Variants in TRIM26 observed in about 807,000 individuals in gnomAD.
TRIM26 encodes tripartite motif-containing protein 26.
A neutral mutation model predicts 45.5 loss-of-function variants in TRIM26; 16 were observed. The observed-to-expected ratio is 0.35, with a 90% CI of 0.24 to 0.53. The LOEUF is 0.53. Ranked by LOEUF, TRIM26 falls within the 20% of genes least tolerant of loss-of-function variation. TRIM26 has a pLI of 0.92. For synonymous variants in TRIM26, 273 were observed against 290.4 expected (o/e 0.94, Z 0.61); for missense variants, 442 against 691.1 (o/e 0.64, Z 4.04).
rs566606086 is a variant in TRIM26, at chr6:30,211,037, C to T, written c.-376+2268G>A. 1.4e-3 allele frequency among the ~76,000 whole-genome samples: 212 copies of T among 152,302 alleles called. 3 individuals are homozygous for T. Among genetic ancestry groups the T allele is most frequent in the Middle Eastern group, 0.01 (3 of 294 alleles). ...ATGTGAACCCAAAGGTCATGCCTCA[C>T]TGACCTTTTTATCTCCAATATCTGG... is the stretch of plus-strand genomic sequence containing the variant. On this transcript the variant is annotated intron_variant, in intron 1 of 9. Transcript: ENST00000454678.
rs1245504272 is a variant in TRIM26, at chr6:30,186,326, T to C, written c.1170A>G (p.Glu390=). The C allele has an allele frequency of 1.2e-6, 2 of 1,611,384 alleles. No individual in the cohort carries two copies. Among genetic ancestry groups the C allele is most frequent in the African/African-American group, 2.7e-5 (2 of 74,872 alleles). The part of the protein sequence containing the change: ...SEDEEEGDEE[E]EGEEEEEEEE... Reference sequence around the variant, plus strand: ...CTTCCTCCTCCTCCTCTTCTCCCTCTTCCTCCTCATCCCCCTCTTCTTCAT... The same window carrying C: ...CTTCCTCCTCCTCCTCTTCTCCCTCCTCCTCCTCATCCCCCTCTTCTTCAT... Residue 390 remains glutamate, a synonymous_variant, in exon 10 of 10, where the codon GAA becomes GAG. Coordinates refer to ENST00000454678, the MANE Select transcript of TRIM26 (RefSeq NM_003449.5). The surrounding 1 kb of genome is among the most constrained non-coding windows in gnomAD (Gnocchi z 7.4).
chr6:30,185,797 C>A lies in TRIM26; in HGVS notation c.*79G>T. 6.7e-7 allele frequency: 1 copy of A among 1,497,800 alleles called. No homozygotes were observed. The highest frequency in any genetic ancestry group is 9.0e-7 in the Non-Finnish European group (1 of 1,112,474). 92.8% of individuals were successfully genotyped at this position (1,497,800 alleles called of 1,614,324 possible). On this transcript the variant is annotated 3_prime_UTR_variant, in exon 10 of 10. Coordinates refer to ENST00000454678, the MANE Select transcript of TRIM26 (RefSeq NM_003449.5). The surrounding 1 kb of genome is among the most constrained non-coding windows in gnomAD (Gnocchi z 5.7). Reference sequence around the variant, plus strand: ...TGCTCCAGGTGCTTAGGCCAGGCATCCCGTCCCCCCATTGAGAGTCCTGGA... The same window carrying A: ...TGCTCCAGGTGCTTAGGCCAGGCATACCGTCCCCCCATTGAGAGTCCTGGA...
intron 1 of TRIM26, among the ~76,000 whole-genome samples, chr6:30,208,904 A>ATCTGTGTG (rs71550189): frequency 0.011 from 1,550 of 140,808 alleles, 32 homozygotes; most frequent in East Asian, 0.018. Context: ...GATATAGAAT[A>ATCTGTGTG]TGTGTGTGTG....
At position 30,193,162 on chromosome 6, in the gene TRIM26, G is replaced by GTATATATATA. The variant is rs1554201636; in HGVS notation, c.766-3137_766-3128dup. Among the ~76,000 whole-genome samples, 3 of 32,004 alleles carry GTATATATATA rather than the reference G, an allele frequency of 9.4e-5. 1 individual carries two copies. Among genetic ancestry groups the GTATATATATA allele is most frequent in the Non-Finnish European group, 1.4e-4 (3 of 20,744 alleles). 21.0% of individuals were successfully genotyped at this position (32,004 alleles called of 152,430 possible). ...TGTGTGTGTGTGTGTGTGTGTGTGT[G>GTATATATATA]TATATATATATATATATATATTTTT... is the stretch of plus-strand genomic sequence containing the variant. On this transcript the variant is annotated intron_variant, in intron 6 of 9. Transcript: ENST00000454678.
intron 9 of TRIM26, chr6:30,188,455 T>C (rs1775452934): frequency 1.1e-5 from 3 of 270,678 alleles, no homozygotes; most frequent in Non-Finnish European, 2.3e-5. Flanking sequence ...ATAATTAGAA[T>C]AACCTGATAG....
chr6:30,193,757 T>C (rs1289873904), intron 6 of TRIM26, among the ~76,000 whole-genome samples: 4 of 152,212 alleles, frequency 2.6e-5, no homozygotes, highest in Admixed American at 2.0e-4. Flanking sequence ...CATCAGTGTT[T>C]TGTAGTTTTC....
Position 30,190,769 on chromosome 6 carries a change from C to T in TRIM26, c.766-734G>A, listed in dbSNP as rs538859498. 4.6e-5 allele frequency among the ~76,000 whole-genome samples: 7 copies of T among 152,278 alleles called. No homozygotes were observed. The highest frequency in any genetic ancestry group is 1.7e-4 in the African/African-American group (7 of 41,554). On this transcript the variant is annotated intron_variant, in intron 6 of 9. Coordinates refer to ENST00000454678, the MANE Select transcript of TRIM26 (RefSeq NM_003449.5). This position sits in a 1 kb window ranked among gnomAD's most constrained non-coding sequence, Gnocchi z 4.3. Reference sequence around the variant, plus strand: ...GTGGTGGTGAGCCCAACTTTGACCACGCAGCAGAGGACAACATCCCTAGAA... The same window carrying T: ...GTGGTGGTGAGCCCAACTTTGACCATGCAGCAGAGGACAACATCCCTAGAA...
At position 30,186,561 on chromosome 6, in the gene TRIM26, G is replaced by C; in HGVS notation, c.938-3C>G. 6.7e-7 allele frequency: 1 copy of C among 1,495,764 alleles called. No homozygotes were observed. Among genetic ancestry groups the C allele is most frequent in the Non-Finnish European group, 8.9e-7 (1 of 1,128,586 alleles). The allele number at this position is 1,495,764 out of a possible 1,614,324, so 92.7% of individuals were successfully genotyped here. A position where few individuals can be genotyped will look rare whatever the true frequency, so the allele number is the denominator to read the frequency against. ...CTGTGGGTCCAGGGTGACGCTCACT[G>C]TGGGGACAAGGGAAAAAAAAAAAAA... On this transcript the variant is annotated splice_polypyrimidine_tract_variant and splice_region_variant and intron_variant, in intron 9 of 9. Coordinates refer to ENST00000454678, the MANE Select transcript of TRIM26 (RefSeq NM_003449.5). This position sits in a 1 kb window ranked among gnomAD's most constrained non-coding sequence, Gnocchi z 7.4.
At chr6:30,208,513 TCC>T (rs1366263417) in intron 1 of TRIM26, among the ~76,000 whole-genome samples, 1 of 135,002 alleles carries the variant, frequency 7.4e-6, no homozygotes, top group Non-Finnish European at 1.6e-5. Context: ...GGAATTTTTT[TCC>T]TTTTTTTTTT....
chr6:30,186,007 C>T lies in TRIM26; in HGVS notation c.1489G>A (p.Gly497Arg). 1 of 1,611,444 alleles carries T rather than the reference C, an allele frequency of 6.2e-7. No homozygotes were observed. Among genetic ancestry groups the T allele is most frequent in the Non-Finnish European group, 8.5e-7 (1 of 1,179,326 alleles). The change falls in exon 10 of 10, where the codon GGG becomes AGG. Residue 497 changes from glycine (G) to arginine (R), a missense_variant. Gly to Arg is a moderately radical substitution (Grantham distance 125, BLOSUM62 -2). Coordinates refer to ENST00000454678, the MANE Select transcript of TRIM26 (RefSeq NM_003449.5). The surrounding 1 kb of genome is among the most constrained non-coding windows in gnomAD (Gnocchi z 7.4). ...GCGTTGGTGAAAGTCACGGTGCCCCCTTCATAATCCAGGGCGATGCCCACT... is the reference window on the plus strand; with the variant it reads ...GCGTTGGTGAAAGTCACGGTGCCCCTTTCATAATCCAGGGCGATGCCCACT... ...RRVGIALDYE[G>R]GTVTFTNAES...
At chr6:30,187,249 C>A in intron 9 of TRIM26, 1 of 301,406 alleles carries the variant, frequency 3.3e-6, no homozygotes, top group South Asian at 3.4e-5. Context: ...CCATATCAGT[C>A]CTTCCTTTTC....
chr6:30,206,254 GCCAGGCCAAAGGCCTGGATC>G (rs1344757569), intron 1 of TRIM26, among the ~76,000 whole-genome samples: 2 of 152,244 alleles, frequency 1.3e-5, no homozygotes, highest in Non-Finnish European at 2.9e-5. Flanking sequence ...ACCCCTACTG[GCCAGGCCAAAGGCCTGGATC>G]CCAGGCTGTC....
rs1231651925 is a variant in TRIM26, at chr6:30,184,610, G to A, written c.*1266C>T. 1 of 152,676 alleles carries A rather than the reference G, an allele frequency of 6.5e-6. No individual in the cohort carries two copies. Among genetic ancestry groups the A allele is most frequent in the Non-Finnish European group, 1.5e-5 (1 of 68,058 alleles). The allele number at this position is 152,676 out of a possible 1,614,324, so 9.5% of individuals were successfully genotyped here. On this transcript the variant is annotated 3_prime_UTR_variant, in exon 10 of 10. Transcript: ENST00000454678. ...TGTACATGTGACTCAGGCAGCATGT[G>A]ACACACACAAAGTGGGCAGCTCTGA...
rs561599239 is a variant in TRIM26 at position 30,190,957 on chromosome 6, G to C, written c.766-922C>G. ...ACAGCAGTGAGCCAAAACCCTAAGT[G>C]ACCACTCACTTGGCTGCCCCACAGA... On this transcript the variant is annotated intron_variant, in intron 6 of 9. Transcript: ENST00000454678. The surrounding 1 kb of genome is among the most constrained non-coding windows in gnomAD (Gnocchi z 4.3). 6.6e-6 allele frequency among the ~76,000 whole-genome samples: 1 copy of C among 152,286 alleles called. No individual in the cohort carries two copies. The highest frequency in any genetic ancestry group is 2.4e-5 in the African/African-American group (1 of 41,568).
chr6:30,193,184 T>TATATATA (rs1377622743), intron 6 of TRIM26, among the ~76,000 whole-genome samples: 3 of 34,854 alleles, frequency 8.6e-5, no homozygotes, highest in South Asian at 2.4e-3. Context: ...ATATATATAT[T>TATATATA]TTTTTTTTTT....
chr6:30,209,589 G>T lies in TRIM26; in HGVS notation c.-376+3716C>A, dbSNP rs1364221772. Among the ~76,000 whole-genome samples, 1 of 152,096 alleles carries T rather than the reference G, an allele frequency of 6.6e-6. No homozygotes were observed. Among genetic ancestry groups the T allele is most frequent in the Non-Finnish European group, 1.5e-5 (1 of 68,020 alleles). On this transcript the variant is annotated intron_variant, in intron 1 of 9. Transcript: ENST00000454678. The surrounding 1 kb of genome is among the most constrained non-coding windows in gnomAD (Gnocchi z 4.8). ...GTATTCTGTTACAGCAACAGAAAAT[G>T]GATTAAGACAAATAGCATCTTAGAT...
rs1777537960 is a variant in TRIM26 at position 30,204,640 on chromosome 6, C to T, written c.-266+16G>A. Reference sequence around the variant, plus strand: ...ATGCAAAATTCACCCTCTCCAAAAACTCTTCCCCAACTTACCGCACCCTGC... The same window carrying T: ...ATGCAAAATTCACCCTCTCCAAAAATTCTTCCCCAACTTACCGCACCCTGC... On this transcript the variant is annotated intron_variant, in intron 2 of 9. Coordinates refer to ENST00000454678, the MANE Select transcript of TRIM26 (RefSeq NM_003449.5). The T allele has an allele frequency of 6.6e-6, 1 of 152,256 alleles. No homozygotes were observed. Among genetic ancestry groups the T allele is most frequent in the Non-Finnish European group, 1.5e-5 (1 of 68,080 alleles). 9.4% of individuals were successfully genotyped at this position (152,256 alleles called of 1,614,324 possible). A position where few individuals can be genotyped will look rare whatever the true frequency, so the allele number is the denominator to read the frequency against.
intron 1 of TRIM26, among the ~76,000 whole-genome samples, chr6:30,206,983 T>C (rs1777791733): frequency 6.6e-6 from 1 of 152,198 alleles, no homozygotes; most frequent in Admixed American, 6.5e-5. Flanking sequence ...CACCATACAC[T>C]GCACTTTGGT....
Position 30,199,089 on chromosome 6 carries a change from G to A in TRIM26, c.15C>T (p.Ala5=). The A allele has an allele frequency of 6.4e-7, 1 of 1,564,934 alleles. No individual in the cohort carries two copies. The highest frequency in any genetic ancestry group is 8.7e-7 in the Non-Finnish European group (1 of 1,151,634). ...CCTCCTCTTCCAGGCTCCGTAGTGG[G>A]GCTGACGTGGCCATGGTATCCTTAG... is the stretch of plus-strand genomic sequence containing the variant. MATS[A]PLRSLEEEVT... Residue 5 remains alanine, a synonymous_variant, in exon 4 of 10, where the codon GCC becomes GCT. Transcript: ENST00000454678.
Sources: allele counts gnomAD v4.1 joint callset (sites outside exome capture counted in the v4.1 genomes callset), GRCh38; gene constraint gnomAD v4.1.1; non-coding constraint Gnocchi (gnomAD v3.1); transcripts MANE v1.5; gene names NCBI Gene and HGNC (gene_info 2026-07-23, HGNC 2026-07-21).